MYH3: variants seen among roughly 807,000 people sequenced by gnomAD.
MYH3 encodes the protein myosin-3.
MYH3 carries 130 observed loss-of-function variants against 238.0 expected under a neutral mutation model. The ratio of observed to expected loss-of-function variants is 0.55; its 90% CI spans 0.47 to 0.63. The LOEUF (loss-of-function observed/expected upper bound fraction) is 0.63, where lower values mean the gene tolerates loss of function less well. Among genes scored for constraint, MYH3 ranks in the 30% least tolerant of loss-of-function variants. The pLI is 0.00. For missense variants in MYH3, 1,853 were observed against 2,374.9 expected (o/e 0.78, Z 4.57); for synonymous variants, 880 against 924.1 (o/e 0.95, Z 0.86).
Position 10,631,497 on chromosome 17 carries a change from G to T in MYH3, c.5286+114C>A, listed in dbSNP as rs557906208. 3.3e-4 allele frequency: 499 copies of T among 1,507,626 alleles called. 1 individual carries two copies. The highest frequency in any genetic ancestry group is 5.0e-4 in the South Asian group (43 of 85,992). The allele number at this position is 1,507,626 out of a possible 1,614,324, so 93.4% of individuals were successfully genotyped here. On this transcript the variant is annotated intron_variant, in intron 36 of 40. Coordinates refer to ENST00000583535, the MANE Select transcript of MYH3 (RefSeq NM_002470.4). ...TTGAGCGGAGATGGGAGCCCTCGGG[G>T]AGCAGAATGTGCACCAGGTGTGGCT...
chr17:10,629,762 T>C lies in MYH3; in HGVS notation c.5659-28A>G, dbSNP rs370760565. 12 of 1,614,112 alleles carry C rather than the reference T, an allele frequency of 7.4e-6. No homozygotes were observed. In the African/African-American group the frequency reaches 1.1e-4, roughly 14 times the overall value. The stretch of plus-strand genomic sequence containing the variant: ...AAAACCAAAGAGCCCAGGCAGGTTA[T>C]ATCAGCACGCGCCTCTCTCAGAACT... On this transcript the variant is annotated intron_variant, in intron 39 of 40. Coordinates refer to ENST00000583535, the MANE Select transcript of MYH3 (RefSeq NM_002470.4).
intron 40 of MYH3, 21 bp from the exon 41 acceptor site, chr17:10,628,700 T>C: frequency 6.2e-7 from 1 of 1,614,102 alleles, no homozygotes; most frequent in Non-Finnish European, 8.5e-7. Flanking sequence ...AGTAGGCACC[T>C]GGAGTCAAGT....
the MYH3 span, among the ~76,000 whole-genome samples, chr17:10,668,109 C>T: frequency 2.0e-5 from 3 of 152,198 alleles, no homozygotes; most frequent in African/African-American, 7.2e-5. Context: ...AAAAGAACTG[C>T]AGTGGCTGGG....
Position 10,645,863 on chromosome 17 carries a change from G to C in MYH3, c.1003-18C>G. Reference sequence around the variant, plus strand: ...ATGGCGCTCTGGCATGGAAAGGGCAGCACGTCAGTCAGTTGGCCCCAGTGA... The same window carrying C: ...ATGGCGCTCTGGCATGGAAAGGGCACCACGTCAGTCAGTTGGCCCCAGTGA... On this transcript the variant is annotated intron_variant, in intron 11 of 40. Coordinates refer to ENST00000583535, the MANE Select transcript of MYH3 (RefSeq NM_002470.4). The C allele has an allele frequency of 2.5e-6, 4 of 1,613,982 alleles. No individual in the cohort carries two copies. The highest frequency in any genetic ancestry group is 3.4e-6 in the Non-Finnish European group (4 of 1,180,032).
intron 40 of MYH3, 142 bp downstream of exon 40, chr17:10,629,455 A>T (rs1317172024): frequency 9.7e-7 from 1 of 1,033,088 alleles, no homozygotes; most frequent in African/African-American, 1.6e-5. Context: ...GCGAGGGTCC[A>T]GTCAGCTAAG....
rs772312248 is a variant in MYH3, at chr17:10,651,646, A to G, written c.371T>C (p.Val124Ala). ...MIYTYSGLFC[V>A]TVNPYKWLPV... The stretch of plus-strand genomic sequence containing the variant: ...CAGCCACTTGTAGGGGTTGACAGTG[A>G]CACAGAAGAGGCCTGAGTAGGTCTG... Residue 124 changes from valine to alanine, a missense_variant, in exon 5 of 41, where the codon GTC becomes GCC. Around this residue, in one of 3 missense-constraint regions of MYH3, gnomAD observed 678 missense variants for 1,058.9 expected, o/e 0.64. Coordinates refer to ENST00000583535, the MANE Select transcript of MYH3 (RefSeq NM_002470.4). 6.2e-7 allele frequency: 1 copy of G among 1,614,150 alleles called. No individual in the cohort carries two copies. The highest frequency in any genetic ancestry group is 8.5e-7 in the Non-Finnish European group (1 of 1,180,004).
chr17:10,675,128 G>A, the MYH3 span: 1 of 152,240 alleles, frequency 6.6e-6, no homozygotes, highest in African/African-American at 2.4e-5. Context: ...CAGCTTAGGG[G>A]TGACTAGAGC....
rs757321568 is a variant in MYH3 at position 10,637,780 on chromosome 17, G to C, written c.3856+29C>G. ...GCCCATTGGGTGCCAGGAGGTTTTG[G>C]CCCCACGGGTTTTCTGCACGTGGCT... On this transcript the variant is annotated intron_variant, in intron 28 of 40. Transcript: ENST00000583535. 1.9e-6 allele frequency: 3 copies of C among 1,613,546 alleles called. No individual in the cohort carries two copies. The East Asian group carries it at 6.7e-5, about 36-fold the overall frequency.
the MYH3 span, chr17:10,674,003 T>G: frequency 6.6e-6 from 1 of 152,202 alleles, no homozygotes; most frequent in Non-Finnish European, 1.5e-5. Context: ...ATTACTTAAT[T>G]CATTATTCTT....
intron 4 of MYH3, 100 bp from the exon 5 acceptor site, chr17:10,651,768 G>A (rs1244682849): frequency 4.7e-5 from 66 of 1,391,116 alleles, no homozygotes; most frequent in Non-Finnish European, 6.0e-5. Context: ...TTTTTGAGAC[G>A]GAGTCTCACT....
At chr17:10,628,956 T>G (rs1191508482) in intron 40 of MYH3, among the ~76,000 whole-genome samples, 1 of 152,178 alleles carries the variant, frequency 6.6e-6, no homozygotes, top group African/African-American at 2.4e-5. Context: ...TGCAGCAGCC[T>G]TTTGTTACCA....
At chr17:10,628,734 C>T (rs912810905) in intron 40 of MYH3, 55 bp from the exon 41 acceptor site, 1 of 1,587,916 alleles carries the variant, frequency 6.3e-7, no homozygotes, top group East Asian at 2.2e-5. Flanking sequence ...CACATTCCCA[C>T]CCACCACTTC....
At position 10,635,623 on chromosome 17, in the gene MYH3, T is replaced by C. The variant is rs2074207363; in HGVS notation, c.3976-60A>G. Reference sequence around the variant, plus strand: ...ATTTAGTGCCAGGTGCATGATACAATCCAAGTGTGTCCCTTCTATCACCAC... The same window carrying C: ...ATTTAGTGCCAGGTGCATGATACAACCCAAGTGTGTCCCTTCTATCACCAC... On this transcript the variant is annotated intron_variant, in intron 29 of 40. Coordinates refer to ENST00000583535, the MANE Select transcript of MYH3 (RefSeq NM_002470.4). 1.9e-6 allele frequency: 3 copies of C among 1,614,096 alleles called. No individual in the cohort carries two copies. In the Admixed American group the frequency reaches 5.0e-5, roughly 27 times the overall value.
At chr17:10,658,322 T>C (rs1028247906), upstream of MYH3, among the ~76,000 whole-genome samples, 13 of 152,256 alleles carry the variant, frequency 8.5e-5, no homozygotes, top group South Asian at 2.1e-4. Flanking sequence ...TTATTCCAAA[T>C]AGAACTGTTT....
chr17:10,670,603 C>T, the MYH3 span, among the ~76,000 whole-genome samples: 6 of 152,054 alleles, frequency 3.9e-5, no homozygotes, highest in South Asian at 2.1e-4. This position sits in a 1 kb window ranked among gnomAD's most constrained non-coding sequence, Gnocchi z 7.0. Flanking sequence ...GCCACAGTGC[C>T]CAATTAATAA....
the MYH3 span, among the ~76,000 whole-genome samples, chr17:10,662,517 C>T: frequency 3.2e-4 from 48 of 152,266 alleles, no homozygotes; most frequent in East Asian, 1.2e-3. Context: ...TGCAAATTCA[C>T]CCTTAAATAT....
At chr17:10,660,061 TC>T (rs2074468893), upstream of MYH3, among the ~76,000 whole-genome samples, 5 of 152,332 alleles carry the variant, frequency 3.3e-5, no homozygotes, top group South Asian at 1.0e-3. Context: ...TGGATGTGGA[TC>T]CCGGCTTGCC....
At chr17:10,643,074 G>A in intron 14 of MYH3, 78 bp from the exon 15 acceptor site, 2 of 1,611,462 alleles carry the variant, frequency 1.2e-6, no homozygotes, top group South Asian at 1.1e-5. Context: ...CCTCCTCATT[G>A]CCCCAGGTTC....
rs950969464 is a variant in MYH3 at position 10,628,550 on chromosome 17, T to C, written c.*103A>G. On this transcript the variant is annotated 3_prime_UTR_variant, in exon 41 of 41. Transcript: ENST00000583535. ...CCCCAGATTGAAACAAAGCAAAGTT[T>C]ATTGCATGTGAAAAAGAGTCACATG... The C allele has an allele frequency of 3.7e-6, 5 of 1,335,044 alleles. No individual in the cohort carries two copies. Among genetic ancestry groups the C allele is most frequent in the Admixed American group, 3.4e-5 (2 of 59,612 alleles). 82.7% of individuals were successfully genotyped at this position (1,335,044 alleles called of 1,614,324 possible).
Sources: allele counts gnomAD v4.1 joint callset (sites outside exome capture counted in the v4.1 genomes callset), GRCh38; gene constraint gnomAD v4.1.1; regional missense constraint gnomAD v4.1.1; non-coding constraint Gnocchi (gnomAD v3.1); transcripts MANE v1.5; gene names NCBI Gene and HGNC (gene_info 2026-07-23, HGNC 2026-07-21).